The following TMEM272 variants were observed in gnomAD, a reference collection of about 807,000 sequenced individuals.
TMEM272 encodes transmembrane protein 272.
Under a neutral mutation model 3.7 loss-of-function variants are expected in TMEM272, and 8 were observed. That is an observed-to-expected ratio of 2.17 (90% CI 1.27 to 3.91). The LOEUF is 3.91. Among genes scored for constraint, TMEM272 ranks in the 30% most tolerant of loss-of-function variants. TMEM272 has a pLI of 0.00. For missense variants in TMEM272, 166 were observed against 91.5 expected, an observed-to-expected ratio of 1.81 and a Z score of -3.32; for synonymous variants, 63 against 39.8, an observed-to-expected ratio of 1.58 and a Z score of -2.20.
At chr13:51,830,619 A>C (rs966906898) in intron 2 of TMEM272, among the ~76,000 whole-genome samples, 5 of 152,226 alleles carry the variant, frequency 3.3e-5, no homozygotes, top group Non-Finnish European at 7.3e-5. Context: ...CATTATCATT[A>C]CTATTATTAT....
the TMEM272 span, among the ~76,000 whole-genome samples, chr13:51,861,357 T>TACA: frequency 2.6e-5 from 4 of 152,238 alleles, no homozygotes; most frequent in Non-Finnish European, 2.9e-5. Context: ...GTGCTCTTGC[T>TACA]ACAGTGCACA....
At chr13:51,830,921 C>T (rs1956167976) in intron 2 of TMEM272, among the ~76,000 whole-genome samples, 1 of 151,160 alleles carries the variant, frequency 6.6e-6, no homozygotes, top group Non-Finnish European at 1.5e-5. Flanking sequence ...CTCACTCTTG[C>T]TCGAGGTCTA....
the TMEM272 span, among the ~76,000 whole-genome samples, chr13:51,861,036 A>T: frequency 6.6e-6 from 1 of 152,124 alleles, no homozygotes; most frequent in African/African-American, 2.4e-5. Flanking sequence ...GCCGTTTGTC[A>T]CAAGATAGAT....
chr13:51,919,451 C>T, the TMEM272 span, among the ~76,000 whole-genome samples: 5 of 152,148 alleles, frequency 3.3e-5, no homozygotes, highest in African/African-American at 1.2e-4. Flanking sequence ...AGGAAACCAC[C>T]GATCTGAACT....
At chr13:51,915,283 G>GC in the TMEM272 span, among the ~76,000 whole-genome samples, 21 of 152,166 alleles carry the variant, frequency 1.4e-4, no homozygotes, top group Non-Finnish European at 2.9e-4. Context: ...TGTAGAATAT[G>GC]CCACTTCACG....
At chr13:51,872,010 T>C in the TMEM272 span, among the ~76,000 whole-genome samples, 2 of 152,146 alleles carry the variant, frequency 1.3e-5, no homozygotes, top group Non-Finnish European at 2.9e-5. Context: ...GACTCGCCCA[T>C]GCACACAGAG....
the TMEM272 span, among the ~76,000 whole-genome samples, chr13:51,886,049 T>C: frequency 6.6e-6 from 1 of 152,248 alleles, no homozygotes; most frequent in African/African-American, 2.4e-5. Flanking sequence ...CTTTCTTCCA[T>C]GTTCAGCTTC....
At chr13:51,821,040 G>A (rs1956074378) in intron 4 of TMEM272, among the ~76,000 whole-genome samples, 1 of 152,176 alleles carries the variant, frequency 6.6e-6, no homozygotes, top group Non-Finnish European at 1.5e-5. Context: ...CAATTTTCAA[G>A]ACGTTCCTTT....
chr13:51,822,810 C>G (rs1956091810), intron 3 of TMEM272, among the ~76,000 whole-genome samples: 2 of 152,242 alleles, frequency 1.3e-5, no homozygotes, highest in Admixed American at 1.3e-4. Flanking sequence ...GGTAGTTTTT[C>G]TCCCCAAAGC....
At chr13:51,874,309 C>T in the TMEM272 span, among the ~76,000 whole-genome samples, 1 of 152,182 alleles carries the variant, frequency 6.6e-6, no homozygotes, top group South Asian at 2.1e-4. Flanking sequence ...TCGATAAATG[C>T]CATCTCTAAT....
Position 51,814,743 on chromosome 13 carries a change from G to A in TMEM272, c.*2008C>T, listed in dbSNP as rs1956001579. 6.6e-6 allele frequency: 1 copy of A among 152,272 alleles called. No individual in the cohort carries two copies. The highest frequency in any genetic ancestry group is 2.4e-5 in the African/African-American group (1 of 41,458). The allele number at this position is 152,272 out of a possible 1,614,324, so 9.4% of individuals were successfully genotyped here. A position where few individuals can be genotyped will look rare whatever the true frequency, so the allele number is the denominator to read the frequency against. On this transcript the variant is annotated 3_prime_UTR_variant, in exon 5 of 5. Transcript: ENST00000629372. ...GCACACTTCATCCACCACTCCCTCT[G>A]GGAAAGATTTCTGCAACACTCTGGT...
At chr13:51,911,349 G>A in the TMEM272 span, among the ~76,000 whole-genome samples, 2 of 152,166 alleles carry the variant, frequency 1.3e-5, no homozygotes, top group South Asian at 2.1e-4. Context: ...TCCCATGCAC[G>A]ACTGAAAAAC....
At chr13:51,916,144 A>C in the TMEM272 span, among the ~76,000 whole-genome samples, 2 of 152,240 alleles carry the variant, frequency 1.3e-5, no homozygotes, top group Non-Finnish European at 2.9e-5. Flanking sequence ...ACCGGCATGA[A>C]GAAACCTATC....
At chr13:51,883,529 A>C in the TMEM272 span, among the ~76,000 whole-genome samples, 8 of 152,288 alleles carry the variant, frequency 5.3e-5, no homozygotes, top group East Asian at 1.5e-3. Flanking sequence ...TTATGGGCTT[A>C]GAAGGGGGAG....
intron 3 of TMEM272, 90 bp downstream of exon 3, chr13:51,826,476 C>G (rs1274132075): frequency 2.9e-6 from 2 of 683,606 alleles, no homozygotes; most frequent in Non-Finnish European, 5.3e-6. Flanking sequence ...TCTTCTTAAA[C>G]ACATATTTAA....
At chr13:51,934,328 G>A in the TMEM272 span, 1 of 296,472 alleles carries the variant, frequency 3.4e-6, no homozygotes, top group South Asian at 3.5e-5. Flanking sequence ...GATGCACACA[G>A]ACAGGCGTCA....
At chr13:51,847,684 G>A (rs540653133), upstream of TMEM272, among the ~76,000 whole-genome samples, 12 of 152,302 alleles carry the variant, frequency 7.9e-5, no homozygotes, top group African/African-American at 2.6e-4. Context: ...GAGCAGTGAG[G>A]TCAGAGTCTT....
the TMEM272 span, among the ~76,000 whole-genome samples, chr13:51,893,510 C>G: frequency 7.2e-5 from 11 of 152,134 alleles, no homozygotes; most frequent in African/African-American, 2.7e-4. Flanking sequence ...CAGGAAAAAA[C>G]AGCAACAACG....
At chr13:51,918,197 C>T in the TMEM272 span, among the ~76,000 whole-genome samples, 58 of 152,288 alleles carry the variant, frequency 3.8e-4, no homozygotes, top group Non-Finnish European at 2.1e-4. Flanking sequence ...ACTCCTAGTG[C>T]CAATTCCAGC....
Sources: gnomAD v4.1 joint callset for allele counts (sites outside exome capture counted in the v4.1 genomes callset) on GRCh38, gnomAD v4.1.1 for gene constraint, MANE v1.5 for transcripts, NCBI Gene and HGNC (gene_info 2026-07-23, HGNC 2026-07-21) for gene names.